The following MBOAT4 variants were observed in gnomAD, a reference collection of about 807,000 sequenced individuals.
MBOAT4 encodes the protein membrane bound ghrelin O-acyltransferase MBOAT4, also known as membrane-bound ghrelin O-acyltransferase MBOAT4.
Under a neutral mutation model 13.2 loss-of-function variants are expected in MBOAT4, and 11 were observed. The ratio of observed to expected loss-of-function variants is 0.84; its 90% CI spans 0.53 to 1.38. The LOEUF is 1.38. Among genes scored for constraint, MBOAT4 ranks in the 40% most tolerant of loss-of-function variants. The pLI, the probability that MBOAT4 is intolerant of heterozygous loss-of-function variation, is 0.00. For missense variants in MBOAT4, 481 were observed against 527.2 expected (o/e 0.91, Z 0.86); for synonymous variants, 202 against 210.3 (o/e 0.96, Z 0.34).
chr8:30,135,750 CA>C (rs1585484578), intron 2 of MBOAT4, among the ~76,000 whole-genome samples: 1 of 151,428 alleles, frequency 6.6e-6, no homozygotes, highest in Admixed American at 6.6e-5. Context: ...CCCGTTTCTA[CA>C]AAAAATATGA....
Position 30,132,187 on chromosome 8 carries a change from A to G in MBOAT4, c.1064T>C (p.Val355Ala), listed in dbSNP as rs1172543055. Residue 355 changes from valine to alanine, a missense_variant, in exon 3 of 3, where the codon GTG becomes GCG. Transcript: ENST00000320542. The stretch of plus-strand genomic sequence containing the variant: ...GGAGTGAATCAGGTAGTCAGCTTCC[A>G]CCATCACGGCCCAGCAAACGAAACC... ...VFGFVCWAVMVEADYLIHSFA... is the reference protein window; with the variant it reads ...VFGFVCWAVMAEADYLIHSFA... 6.4e-7 allele frequency: 1 copy of G among 1,551,874 alleles called. No individual in the cohort carries two copies. Among genetic ancestry groups the G allele is most frequent in the East Asian group, 2.4e-5 (1 of 40,934 alleles).
intron 2 of MBOAT4, among the ~76,000 whole-genome samples, chr8:30,136,649 C>T (rs772435263): frequency 1.2e-4 from 19 of 152,140 alleles, no homozygotes; most frequent in Non-Finnish European, 1.9e-4. Flanking sequence ...GTACTTCCTA[C>T]GCCCCACCCA....
intron 1 of MBOAT4, among the ~76,000 whole-genome samples, chr8:30,140,049 T>A (rs762061276): frequency 2.0e-5 from 3 of 152,078 alleles, no homozygotes; most frequent in Non-Finnish European, 4.4e-5. Context: ...TGCAGAATCT[T>A]TTTTTTTAGA....
At chr8:30,141,594 C>T in intron 1 of MBOAT4, among the ~76,000 whole-genome samples, 1 of 152,010 alleles carries the variant, frequency 6.6e-6, no homozygotes, top group East Asian at 1.9e-4. Context: ...GCTGAGATCG[C>T]ACTGCTGCAT....
chr8:30,142,949 G>C (rs1056132610), intron 1 of MBOAT4, among the ~76,000 whole-genome samples: 1 of 152,118 alleles, frequency 6.6e-6, no homozygotes, highest in Non-Finnish European at 1.5e-5. Context: ...TGAATTATTA[G>C]GAAGTGGCCC....
rs149614428 is a variant in MBOAT4, at chr8:30,144,592, G to A, written c.10C>T (p.Leu4Phe). 8.4e-6 allele frequency: 13 copies of A among 1,549,184 alleles called. No homozygotes were observed. The highest frequency in any genetic ancestry group is 1.1e-5 in the Non-Finnish European group (13 of 1,145,218). Residue 4 changes from leucine (L) to phenylalanine (F), a missense_variant, in exon 1 of 3, where the codon CTT (leucine) becomes TTT (phenylalanine). By Grantham distance (22) the Leu-to-Phe change is conservative. Coordinates refer to ENST00000320542, the MANE Select transcript of MBOAT4 (RefSeq NM_001100916.2). ...ATAGGATGGAGAAAGAACAGCCAAA[G>A]CCACTCCATTAGGAACCAGAACAAA... is the stretch of plus-strand genomic sequence containing the variant. MEW[L>F]WLFFLHPISF...
At chr8:30,136,679 C>T (rs1394797372) in intron 2 of MBOAT4, among the ~76,000 whole-genome samples, 3 of 152,044 alleles carry the variant, frequency 2.0e-5, no homozygotes, top group Admixed American at 2.0e-4. Context: ...TTGCCTTTTC[C>T]TTAGAGCAGC....
intron 2 of MBOAT4, among the ~76,000 whole-genome samples, chr8:30,136,522 C>G (rs1260681010): frequency 6.6e-6 from 1 of 152,178 alleles, no homozygotes; most frequent in Non-Finnish European, 1.5e-5. Flanking sequence ...GCAGAGCCCC[C>G]CATTCCAGGT....
At chr8:30,134,312 A>G (rs1803091598) in intron 2 of MBOAT4, among the ~76,000 whole-genome samples, 4 of 151,824 alleles carry the variant, frequency 2.6e-5, no homozygotes, top group Admixed American at 2.0e-4. Flanking sequence ...AGTCCTAGCT[A>G]CTCGGGAGGC....
At chr8:30,132,955 C>G (rs1439696317) in intron 2 of MBOAT4, 49 bp from the exon 3 acceptor site, 10 of 1,462,864 alleles carry the variant, frequency 6.8e-6, no homozygotes, top group South Asian at 1.5e-5. Context: ...TATTTATTCT[C>G]TCTCTCTTAT....
intron 1 of MBOAT4, among the ~76,000 whole-genome samples, chr8:30,142,459 G>T (rs1305472968): frequency 6.6e-6 from 1 of 152,132 alleles, no homozygotes; most frequent in Non-Finnish European, 1.5e-5. Flanking sequence ...GGGCTCAAGG[G>T]ATCCTCCTGC....
intron 2 of MBOAT4, among the ~76,000 whole-genome samples, chr8:30,136,506 C>G (rs1347410229): frequency 6.6e-6 from 1 of 152,162 alleles, no homozygotes; most frequent in South Asian, 2.1e-4. Flanking sequence ...CAGCCCTGCC[C>G]GACTAGCAGA....
intron 1 of MBOAT4, among the ~76,000 whole-genome samples, chr8:30,140,965 G>A (rs1803251145): frequency 6.6e-6 from 1 of 152,004 alleles, no homozygotes; most frequent in African/African-American, 2.4e-5. Flanking sequence ...AGCCTCCCTA[G>A]TAACTGGGAC....
At position 30,137,164 on chromosome 8, in the gene MBOAT4, A is replaced by G. The variant is rs543661356; in HGVS notation, c.344+1368T>C. 100 of 855,496 alleles carry G rather than the reference A, an allele frequency of 1.2e-4. No homozygotes were observed. The African/African-American group carries it at 1.2e-3, about 10-fold the overall frequency. The allele number at this position is 855,496 out of a possible 1,614,324, so 53.0% of individuals were successfully genotyped here. A position where few individuals can be genotyped will look rare whatever the true frequency, so the allele number is the denominator to read the frequency against. Reference sequence around the variant, plus strand: ...GTGATCACCAGAGAGAGCCAGGAACATGAGATCTCCAGATCACAAAGCAAT... The same window carrying G: ...GTGATCACCAGAGAGAGCCAGGAACGTGAGATCTCCAGATCACAAAGCAAT... On this transcript the variant is annotated intron_variant, in intron 2 of 2. Coordinates refer to ENST00000320542, the MANE Select transcript of MBOAT4 (RefSeq NM_001100916.2).
At chr8:30,142,297 CTTAG>C (rs751180154) in intron 1 of MBOAT4, among the ~76,000 whole-genome samples, 41 of 152,246 alleles carry the variant, frequency 2.7e-4, no homozygotes, top group African/African-American at 3.9e-4. Context: ...CACAAGGACA[CTTAG>C]TTAGGTGAGG....
intron 2 of MBOAT4, among the ~76,000 whole-genome samples, chr8:30,134,615 G>A (rs901660044): frequency 5.5e-5 from 8 of 146,268 alleles, no homozygotes; most frequent in Admixed American, 2.7e-4. Flanking sequence ...GATCTCAGCC[G>A]CCCACTGCAA....
chr8:30,139,106 T>C (rs1403843721), intron 1 of MBOAT4, among the ~76,000 whole-genome samples: 2 of 151,660 alleles, frequency 1.3e-5, no homozygotes, highest in African/African-American at 4.8e-5. Context: ...ACTACAGGCA[T>C]GCACCACCAT....
chr8:30,144,318 T>C (rs1275121098), intron 1 of MBOAT4, among the ~76,000 whole-genome samples, 165 bp downstream of exon 1: 1 of 152,134 alleles, frequency 6.6e-6, no homozygotes, highest in East Asian at 1.9e-4. Flanking sequence ...GTATTTGCAT[T>C]AGAGACAGGG....
intron 1 of MBOAT4, among the ~76,000 whole-genome samples, chr8:30,142,566 C>T (rs75808389): frequency 0.015 from 2,249 of 152,102 alleles, 32 homozygotes; most frequent in South Asian, 0.02. Flanking sequence ...TCATGTTGCC[C>T]GGGCAGGTCT....
Sources: gnomAD v4.1 joint callset for allele counts (sites outside exome capture counted in the v4.1 genomes callset) on GRCh38, gnomAD v4.1.1 for gene constraint, MANE v1.5 for transcripts, NCBI Gene and HGNC (gene_info 2026-07-23, HGNC 2026-07-21) for gene names.